Variants in PTPDC1 observed in about 807,000 individuals in gnomAD.
PTPDC1 encodes the protein protein tyrosine phosphatase domain-containing protein 1.
In PTPDC1, 53 loss-of-function variants were observed where a neutral mutation model predicts 75.3. That is an observed-to-expected ratio of 0.70 (90% CI 0.56 to 0.88). The LOEUF is 0.88. Among genes scored for constraint, PTPDC1 ranks in the 40% least tolerant of loss-of-function variants. PTPDC1 has a pLI of 0.00. For synonymous variants in PTPDC1, 349 were observed against 366.2 expected (o/e 0.95, Z 0.54); for missense variants, 925 against 998.6 (o/e 0.93, Z 0.99).
intron 1 of PTPDC1, among the ~76,000 whole-genome samples, chr9:94,032,254 TC>T (rs1172026113): frequency 2.0e-5 from 3 of 152,106 alleles, no homozygotes; most frequent in African/African-American, 7.2e-5. Context: ...AAATGCAAAA[TC>T]TCAGCTCCCA....
At chr9:94,045,018 G>T (rs191904929) in intron 1 of PTPDC1, among the ~76,000 whole-genome samples, 1 of 105,316 alleles carries the variant, frequency 9.5e-6, no homozygotes, top group Non-Finnish European at 1.8e-5. Context: ...AACAGTTCTC[G>T]GTGTGTGATG....
chr9:94,072,076 C>G (rs1826528866), intron 2 of PTPDC1, among the ~76,000 whole-genome samples: 1 of 152,110 alleles, frequency 6.6e-6, no homozygotes, highest in African/African-American at 2.4e-5. Context: ...GGCATGAACT[C>G]AGCTCACTGT....
chr9:94,103,754 C>G (rs962319145), intron 7 of PTPDC1, among the ~76,000 whole-genome samples: 42 of 152,114 alleles, frequency 2.8e-4, no homozygotes, highest in Non-Finnish European at 4.7e-4. Flanking sequence ...AAGTATCTTA[C>G]CCCCTTAGGT....
chr9:94,084,680 G>C lies in PTPDC1; in HGVS notation c.150G>C (p.Lys50Asn), dbSNP rs748855776. 8.7e-6 allele frequency: 14 copies of C among 1,613,696 alleles called. No individual in the cohort carries two copies. In the African/African-American group the frequency reaches 1.9e-4, roughly 22 times the overall value. The part of the protein sequence containing the change: ...GSGLGSGSAT[K>N]LLSSSSLQVM... The stretch of plus-strand genomic sequence containing the variant: ...GCTTGGGCTCCGGCTCTGCCACGAA[G>C]CTGCTGTCCTCGTCCTCTCTCCAGG... Residue 50 changes from lysine to asparagine, a missense_variant, in exon 1 of 9, where the codon AAG becomes AAC. Physicochemically the swap from Lys to Asn is moderately conservative, Grantham distance 94. Transcript: ENST00000620992.
intron 2 of PTPDC1, among the ~76,000 whole-genome samples, chr9:94,076,393 A>G (rs975242245): frequency 9.9e-5 from 15 of 152,188 alleles, no homozygotes; most frequent in African/African-American, 3.4e-4. Context: ...CTGTCTCTAT[A>G]GATTTCATTT....
intron 1 of PTPDC1, among the ~76,000 whole-genome samples, chr9:94,056,195 C>T (rs1825928691): frequency 6.6e-6 from 1 of 152,142 alleles, no homozygotes; most frequent in African/African-American, 2.4e-5. Context: ...ATATAAAGCA[C>T]TTGGAACAGT....
rs1030556755 is a variant in PTPDC1 at position 94,097,896 on chromosome 9, C to T, written c.1330C>T (p.Arg444Trp). ...TCAACCCCTGACTCATCTGAAAAGG[C>T]GGCTCAGCTACAGTGACTCAGATTT... is the stretch of plus-strand genomic sequence containing the variant. ...CLQPLTHLKR[R>W]LSYSDSDLKR... The change falls in exon 6 of 9, where the codon CGG (arginine) becomes TGG (tryptophan). Residue 444 changes from arginine (R) to tryptophan (W), a missense_variant. By Grantham distance (101) the Arg-to-Trp change is moderately radical. Transcript: ENST00000620992. The T allele has an allele frequency of 4.3e-6, 7 of 1,614,128 alleles. No homozygotes were observed. The highest frequency in any genetic ancestry group is 3.3e-5 in the Admixed American group (2 of 60,028).
intron 1 of PTPDC1, among the ~76,000 whole-genome samples, chr9:94,061,448 G>A (rs1196908970): frequency 6.6e-6 from 1 of 152,206 alleles, no homozygotes; most frequent in Non-Finnish European, 1.5e-5. Context: ...TGCCCCAGTG[G>A]GGACTCTGTG....
At position 94,109,076 on chromosome 9, in the gene PTPDC1, T is replaced by C. The variant is rs1413984793; in HGVS notation, c.*1132T>C. ...AAGATTTTTAAACTGAAGTTGACCA[T>C]ACAGGTTGCATTAGCCCTAACTGGC... On this transcript the variant is annotated 3_prime_UTR_variant, in exon 9 of 9. Transcript: ENST00000620992. The C allele has an allele frequency of 6.6e-6, 1 of 152,230 alleles. No homozygotes were observed. Among genetic ancestry groups the C allele is most frequent in the African/African-American group, 2.4e-5 (1 of 41,452 alleles). The allele number at this position is 152,230 out of a possible 1,614,324, so 9.4% of individuals were successfully genotyped here. A position where few individuals can be genotyped will look rare whatever the true frequency, so the allele number is the denominator to read the frequency against.
intron 2 of PTPDC1, among the ~76,000 whole-genome samples, chr9:94,067,596 T>C (rs987544448): frequency 2.0e-5 from 3 of 152,116 alleles, no homozygotes; most frequent in Non-Finnish European, 4.4e-5. Context: ...AGTCAATACA[T>C]TGTAATTGGT....
At chr9:94,073,669 G>C (rs12336331) in intron 2 of PTPDC1, among the ~76,000 whole-genome samples, 1 of 151,994 alleles carries the variant, frequency 6.6e-6, no homozygotes, top group South Asian at 2.1e-4. Context: ...AGTTTACTTA[G>C]GTTGAAATCT....
In PTPDC1 at chr9:94,097,942, T is replaced by C; in HGVS notation, c.1376T>C (p.Leu459Pro). 6.2e-7 allele frequency: 1 copy of C among 1,614,184 alleles called. No homozygotes were observed. The change falls in exon 6 of 9, where the codon CTG (leucine) becomes CCG (proline). Residue 459 changes from leucine (L) to proline (P), a missense_variant. Physicochemically the swap from Leu to Pro is moderately conservative, Grantham distance 98. Coordinates refer to ENST00000620992, the MANE Select transcript of PTPDC1 (RefSeq NM_001253829.2). ...GATTTAAAGAGGGCCGAGAACCTCCTGGAGCAAGGGGAGACTCCACAGACA... is the reference window on the plus strand; with the variant it reads ...GATTTAAAGAGGGCCGAGAACCTCCCGGAGCAAGGGGAGACTCCACAGACA... ...DSDLKRAENL[L>P]EQGETPQTVP... is the part of the protein sequence containing the mutation.
At chr9:94,105,237 A>G (rs936328738) in intron 8 of PTPDC1, among the ~76,000 whole-genome samples, 6 of 152,180 alleles carry the variant, frequency 3.9e-5, no homozygotes, top group Non-Finnish European at 7.3e-5. Flanking sequence ...AACCACTGAC[A>G]TCTTTTCAAT....
At position 94,089,296 on chromosome 9, in the gene PTPDC1, T is replaced by A. The variant is rs1379576427; in HGVS notation, c.616+1033T>A. On this transcript the variant is annotated intron_variant, in intron 4 of 8. Coordinates refer to ENST00000620992, the MANE Select transcript of PTPDC1 (RefSeq NM_001253829.2). Reference sequence around the variant, plus strand: ...TTCCTGTGTCCATGTAATCTCATTGTTCAATTCCCACCTATGAGTGAGAAT... The same window carrying A: ...TTCCTGTGTCCATGTAATCTCATTGATCAATTCCCACCTATGAGTGAGAAT... Among the ~76,000 whole-genome samples the A allele has an allele frequency of 4.0e-5, 6 of 149,396 alleles. No individual in the cohort carries two copies. The Admixed American group carries it at 4.0e-4, about 10-fold the overall frequency.
intron 1 of PTPDC1, among the ~76,000 whole-genome samples, chr9:94,055,778 A>G (rs1405364466): frequency 6.6e-6 from 1 of 152,208 alleles, no homozygotes; most frequent in East Asian, 1.9e-4. Context: ...AGTGGTTCCC[A>G]GGGTTTCAAG....
In PTPDC1 at chr9:94,055,562, A is replaced by T. The variant is rs149281743; in HGVS notation, c.-6-9172A>T. Among the ~76,000 whole-genome samples, 64 of 152,348 alleles carry T rather than the reference A, an allele frequency of 4.2e-4. 1 individual carries two copies. In the East Asian group the frequency reaches 0.011, roughly 25 times the overall value. On this transcript the variant is annotated intron_variant, in intron 1 of 9. Coordinates refer to the PTPDC1 transcript ENST00000375360. The stretch of plus-strand genomic sequence containing the variant: ...CTATGAAAAGATATGGAGGAACCTT[A>T]AATGAACATTGTCCAGTGAAAGAAA...
chr9:94,099,327 G>A (rs982037092), intron 6 of PTPDC1, among the ~76,000 whole-genome samples: 7 of 152,152 alleles, frequency 4.6e-5, no homozygotes, highest in African/African-American at 1.7e-4. Context: ...ACCTAGCTAT[G>A]AGAAACAGCT....
At chr9:94,102,131 G>A (rs1049907258) in intron 7 of PTPDC1, among the ~76,000 whole-genome samples, 4 of 151,854 alleles carry the variant, frequency 2.6e-5, no homozygotes, top group African/African-American at 4.8e-5. Context: ...GACTCTTAAC[G>A]GATATGATGC....
intron 2 of PTPDC1, among the ~76,000 whole-genome samples, chr9:94,087,552 G>A (rs1251727952): frequency 6.6e-6 from 1 of 152,182 alleles, no homozygotes; most frequent in Non-Finnish European, 1.5e-5. Context: ...TGGTAAACAT[G>A]AAGTTAATAC....
Sources: gnomAD v4.1 joint callset for allele counts (sites outside exome capture counted in the v4.1 genomes callset) on GRCh38, gnomAD v4.1.1 for gene constraint, MANE v1.5 for transcripts, NCBI Gene and HGNC (gene_info 2026-07-23, HGNC 2026-07-21) for gene names.